MFGE8: variants seen among roughly 807,000 people sequenced by gnomAD.
The protein encoded by MFGE8 is lactadherin.
MFGE8 carries 34 observed loss-of-function variants against 42.6 expected under a neutral mutation model. The ratio of observed to expected loss-of-function variants is 0.80; its 90% CI spans 0.61 to 1.06. The LOEUF (loss-of-function observed/expected upper bound fraction) is 1.06. Among genes scored for constraint, MFGE8 ranks in the 50% least tolerant of loss-of-function variants. The probability of loss-of-function intolerance (pLI) is 0.00; values close to 1 mark genes in which losing one functional copy is unlikely to be tolerated. For missense variants in MFGE8, 510 were observed against 516.9 expected (o/e 0.99, Z 0.13); for synonymous variants, 230 against 214.8 (o/e 1.07, Z -0.62).
rs767919707 is a variant in MFGE8 at position 88,905,582 on chromosome 15, G to T, written c.685+175C>A. On this transcript the variant is annotated intron_variant, in intron 5 of 7. Transcript: ENST00000268150. This position sits in a 1 kb window ranked among gnomAD's most constrained non-coding sequence, Gnocchi z 6.6. ...TGGGTTGGCAGACAGCAAACACCTGGGTGGGGCTGCTATGGCCAGGTGACC... is the reference window on the plus strand; with the variant it reads ...TGGGTTGGCAGACAGCAAACACCTGTGTGGGGCTGCTATGGCCAGGTGACC... The T allele has an allele frequency of 2.5e-6, 2 of 803,858 alleles. No homozygotes were observed. The highest frequency in any genetic ancestry group is 4.2e-6 in the Non-Finnish European group (2 of 477,538). 49.8% of individuals were successfully genotyped at this position (803,858 alleles called of 1,614,324 possible).
In MFGE8 at chr15:88,906,097, T is replaced by C; in HGVS notation, c.541-196A>G. 1.6e-6 allele frequency: 1 copy of C among 642,202 alleles called. No homozygotes were observed. Among genetic ancestry groups the C allele is most frequent in the Non-Finnish European group, 2.7e-6 (1 of 365,608 alleles). 39.8% of individuals were successfully genotyped at this position (642,202 alleles called of 1,614,324 possible). On this transcript the variant is annotated intron_variant, in intron 4 of 7. Transcript: ENST00000268150. The surrounding 1 kb of genome is among the most constrained non-coding windows in gnomAD (Gnocchi z 4.2). ...CCACGGCCCTCCACAAAGATTCTCC[T>C]CTCACTTTCCTTAATCATCATGGAG... is the stretch of plus-strand genomic sequence containing the variant.
In MFGE8 at chr15:88,899,674, G is replaced by C; in HGVS notation, c.1008C>G (p.Pro336=). ...DSANWTEYQD[P]RTGSSKIFPG... ...CACCCACCTTACTGCTGCCAGTCCT[G>C]GGGTCCTGGTACTCAGTCCAGTTCG... Residue 336 remains proline (P), a synonymous_variant, in exon 7 of 8, where the codon CCC becomes CCG. Coordinates refer to ENST00000268150, the MANE Select transcript of MFGE8 (RefSeq NM_005928.4). This position sits in a 1 kb window ranked among gnomAD's most constrained non-coding sequence, Gnocchi z 6.8. The C allele has an allele frequency of 6.2e-7, 1 of 1,614,180 alleles. No homozygotes were observed. Among genetic ancestry groups the C allele is most frequent in the Non-Finnish European group, 8.5e-7 (1 of 1,180,022 alleles).
chr15:88,908,933 C>T (rs1302982344), intron 2 of MFGE8, among the ~76,000 whole-genome samples: 1 of 152,146 alleles, frequency 6.6e-6, no homozygotes, highest in African/African-American at 2.4e-5. Flanking sequence ...AACCTCAGAA[C>T]CCATCCCCAC....
At chr15:88,909,224 C>A (rs1028377381) in intron 2 of MFGE8, among the ~76,000 whole-genome samples, 1 of 152,198 alleles carries the variant, frequency 6.6e-6, no homozygotes, top group African/African-American at 2.4e-5. Flanking sequence ...CGCGGACAGC[C>A]CCTCTGGGCA....
chr15:88,906,631 G>GT lies in MFGE8; in HGVS notation c.534dup (p.His179ThrfsTer7). 1 of 1,613,968 alleles carries GT rather than the reference G, an allele frequency of 6.2e-7. No individual in the cohort carries two copies. Among genetic ancestry groups the GT allele is most frequent in the South Asian group, 1.1e-5 (1 of 91,064 alleles). On this transcript the variant is annotated frameshift_variant, in exon 4 of 8. Transcript: ENST00000268150. LOFTEE classifies it high-confidence loss of function. The surrounding 1 kb of genome is among the most constrained non-coding windows in gnomAD (Gnocchi z 4.2). Reference sequence around the variant, plus strand: ...CGGGCCCCAACAAGACCTACCTTGTGTTTTTTATTAACATCATGGATGAAA... The same window carrying GT: ...CGGGCCCCAACAAGACCTACCTTGTGTTTTTTTATTAACATCATGGATGAAA...
rs760068505 is a variant in MFGE8 at position 88,906,795 on chromosome 15, G to A, written c.388-17C>T. 1 of 1,612,210 alleles carries A rather than the reference G, an allele frequency of 6.2e-7. No homozygotes were observed. The highest frequency in any genetic ancestry group is 8.5e-7 in the Non-Finnish European group (1 of 1,179,780). On this transcript the variant is annotated splice_polypyrimidine_tract_variant and intron_variant, in intron 3 of 7. Coordinates refer to ENST00000268150, the MANE Select transcript of MFGE8 (RefSeq NM_005928.4). This position sits in a 1 kb window ranked among gnomAD's most constrained non-coding sequence, Gnocchi z 4.2. Reference sequence around the variant, plus strand: ...CAGGTTCACCTGGACACAGGGCAGGGGAGATGGCACCCTTATCTCCTGGGT... The same window carrying A: ...CAGGTTCACCTGGACACAGGGCAGGAGAGATGGCACCCTTATCTCCTGGGT...
intron 2 of MFGE8, among the ~76,000 whole-genome samples, chr15:88,908,527 G>A (rs754970733): frequency 1.3e-5 from 2 of 152,186 alleles, no homozygotes; most frequent in Non-Finnish European, 2.9e-5. Flanking sequence ...AGGTCCCTCT[G>A]AGGGCTTCCT....
At chr15:88,901,354 C>G (rs887484606) in intron 6 of MFGE8, among the ~76,000 whole-genome samples, 197 bp downstream of exon 6, 1 of 152,130 alleles carries the variant, frequency 6.6e-6, no homozygotes, top group South Asian at 2.1e-4. Context: ...CACACCCTTT[C>G]TCCACCTTGG....
Position 88,905,476 on chromosome 15 carries a change from A to T in MFGE8, c.685+281T>A. 1 of 605,914 alleles carries T rather than the reference A, an allele frequency of 1.7e-6. No individual in the cohort carries two copies. Among genetic ancestry groups the T allele is most frequent in the Non-Finnish European group, 3.1e-6 (1 of 323,692 alleles). The allele number at this position is 605,914 out of a possible 1,614,324, so 37.5% of individuals were successfully genotyped here. On this transcript the variant is annotated intron_variant, in intron 5 of 7. Coordinates refer to ENST00000268150, the MANE Select transcript of MFGE8 (RefSeq NM_005928.4). The surrounding 1 kb of genome is among the most constrained non-coding windows in gnomAD (Gnocchi z 6.6). ...TAACGCTACATGTTCTAGAAGCTAC[A>T]GGAGAGGAGCCAACCAGAAGAAGGG...
At chr15:88,900,116 C>T (rs1898290386) in intron 6 of MFGE8, among the ~76,000 whole-genome samples, 1 of 151,980 alleles carries the variant, frequency 6.6e-6, no homozygotes, top group African/African-American at 2.4e-5. Flanking sequence ...ATGGTGGCTG[C>T]CTGTAATCCC....
At chr15:88,904,895 C>CT (rs1408114825) in intron 5 of MFGE8, 2 of 153,548 alleles carry the variant, frequency 1.3e-5, no homozygotes, top group Non-Finnish European at 2.9e-5. Context: ...TGCAGCTCTG[C>CT]TTAGCGAGCC....
chr15:88,902,539 T>C lies in MFGE8; in HGVS notation c.686-804A>G, dbSNP rs1387461396. 1.3e-5 allele frequency: 2 copies of C among 152,244 alleles called. No individual in the cohort carries two copies. The highest frequency in any genetic ancestry group is 3.9e-4 in the East Asian group (2 of 5,190). The allele number at this position is 152,244 out of a possible 1,614,324, so 9.4% of individuals were successfully genotyped here. On this transcript the variant is annotated intron_variant, in intron 5 of 7. Transcript: ENST00000268150. This position sits in a 1 kb window ranked among gnomAD's most constrained non-coding sequence, Gnocchi z 4.3. ...TCCATTCCCCAGAAGCCCCCTGACT[T>C]AGTGTCTCCCAGAGGGCCTTCGCAC...
rs1343575203 is a variant in MFGE8, at chr15:88,901,734, T to C, written c.687A>G (p.Gly229=). ...TCTTCAGGCCCAGGGGATTGGCGCATCCTGCCAGCAAGGTGGGCTGTCATC... is the reference window on the plus strand; with the variant it reads ...TCTTCAGGCCCAGGGGATTGGCGCACCCTGCCAGCAAGGTGGGCTGTCATC... ...RFELLGCELN[G]CANPLGLKNN... is the part of the protein sequence containing the mutation. The change falls in exon 6 of 8, where the codon GGA becomes GGG. Residue 229 remains glycine, a splice_region_variant and synonymous_variant. Coordinates refer to ENST00000268150, the MANE Select transcript of MFGE8 (RefSeq NM_005928.4). 2 of 1,613,820 alleles carry C rather than the reference T, an allele frequency of 1.2e-6. No homozygotes were observed. The highest frequency in any genetic ancestry group is 2.2e-5 in the East Asian group (1 of 44,882).
Position 88,905,830 on chromosome 15 carries a change from G to T in MFGE8, c.612C>A (p.Tyr204Ter), listed in dbSNP as rs369147958. ...NLFETPVEAQ[Y>*]VRLYPTSCHT... is the part of the protein sequence containing the mutation. ...GGCAGCTCGTGGGGTACAATCTCAC[G>T]TACTGAGCCTCCACAGGGGTCTCAA... is the stretch of plus-strand genomic sequence containing the variant. Residue 204 changes from tyrosine to a stop codon, truncating the protein, a stop_gained, in exon 5 of 8, where the codon TAC becomes TAA. Transcript: ENST00000268150. LOFTEE classifies it high-confidence loss of function. This position sits in a 1 kb window ranked among gnomAD's most constrained non-coding sequence, Gnocchi z 6.6. 1.9e-6 allele frequency: 3 copies of T among 1,614,056 alleles called. No homozygotes were observed. The highest frequency in any genetic ancestry group is 8.5e-7 in the Non-Finnish European group (1 of 1,180,036).
chr15:88,907,706 T>TTC (rs1555414369), intron 2 of MFGE8, among the ~76,000 whole-genome samples: 2 of 147,768 alleles, frequency 1.4e-5, no homozygotes, highest in East Asian at 2.0e-4. Flanking sequence ...GAAAGTAGAG[T>TTC]CCCCCCCGCC....
At chr15:88,904,552 G>A (rs1384859080) in intron 5 of MFGE8, 2 of 152,304 alleles carry the variant, frequency 1.3e-5, no homozygotes, top group Admixed American at 1.3e-4. Flanking sequence ...AAGGCTTCAA[G>A]CCAAAACAGC....
chr15:88,911,929 C>T (rs1898977436), intron 1 of MFGE8, among the ~76,000 whole-genome samples: 1 of 152,078 alleles, frequency 6.6e-6, no homozygotes, highest in Non-Finnish European at 1.5e-5. Flanking sequence ...AGCTATTAGT[C>T]ATTGGCTTTA....
At position 88,910,513 on chromosome 15, in the gene MFGE8, G is replaced by A. The variant is rs114948178; in HGVS notation, c.74-590C>T. 6.0e-3 allele frequency: 1,070 copies of A among 177,712 alleles called. 10 individuals carry two copies. The highest frequency in any genetic ancestry group is 0.022 in the African/African-American group (905 of 41,694). 11.0% of individuals were successfully genotyped at this position (177,712 alleles called of 1,614,324 possible). A position where few individuals can be genotyped will look rare whatever the true frequency, so the allele number is the denominator to read the frequency against. On this transcript the variant is annotated intron_variant, in intron 1 of 7. Transcript: ENST00000268150. ...CCGAGACAGAGAAATCAGATGCAGC[G>A]CAGGCCTCAAGAAGCCAAGGGGAAA...
At chr15:88,907,898 A>G (rs1024830443) in intron 2 of MFGE8, among the ~76,000 whole-genome samples, 3 of 152,116 alleles carry the variant, frequency 2.0e-5, no homozygotes, top group African/African-American at 7.2e-5. Flanking sequence ...TGGCTTTGGG[A>G]GAAGGGCTAC....
Sources: gnomAD v4.1 joint callset for allele counts (sites outside exome capture counted in the v4.1 genomes callset) on GRCh38, gnomAD v4.1.1 for gene constraint, Gnocchi (gnomAD v3.1) non-coding constraint, MANE v1.5 for transcripts, NCBI Gene and HGNC (gene_info 2026-07-23, HGNC 2026-07-21) for gene names.